The following UBE3D variants were observed in gnomAD, a reference collection of about 807,000 sequenced individuals.
UBE3D encodes E3 ubiquitin-protein ligase E3D.
A neutral mutation model predicts 49.6 loss-of-function variants in UBE3D; 48 were observed. The observed-to-expected ratio is 0.97, with a 90% CI of 0.77 to 1.23. The LOEUF is 1.23. Among genes scored for constraint, UBE3D ranks in the 50% most tolerant of loss-of-function variants. UBE3D has a pLI of 0.00. For missense variants in UBE3D, 452 were observed against 468.4 expected (o/e 0.96, Z 0.32); for synonymous variants, 189 against 174.2 (o/e 1.08, Z -0.67).
chr6:83,034,754 A>G (rs1782124618), intron 5 of UBE3D, among the ~76,000 whole-genome samples: 1 of 152,116 alleles, frequency 6.6e-6, no homozygotes, highest in Non-Finnish European at 1.5e-5. Context: ...GCCATATAGA[A>G]CTGTGAGACA....
chr6:83,002,799 T>C (rs557852366), intron 8 of UBE3D, among the ~76,000 whole-genome samples: 1 of 152,364 alleles, frequency 6.6e-6, no homozygotes, highest in South Asian at 2.1e-4. Context: ...CATGGGGCCC[T>C]CACCAAACAT....
intron 9 of UBE3D, among the ~76,000 whole-genome samples, chr6:82,935,225 A>G (rs1429459099): frequency 3.3e-5 from 5 of 151,728 alleles, no homozygotes; most frequent in African/African-American, 4.8e-5. Context: ...AAGCAGAGCA[A>G]GCAAGAGAGA....
the UBE3D span, among the ~76,000 whole-genome samples, chr6:82,883,892 A>C: frequency 3.3e-5 from 5 of 152,228 alleles, no homozygotes; most frequent in Non-Finnish European, 5.9e-5. Context: ...GAACCCAAAC[A>C]GTGCTAACAC....
At chr6:82,979,807 A>G (rs748634133) in intron 8 of UBE3D, among the ~76,000 whole-genome samples, 1 of 152,080 alleles carries the variant, frequency 6.6e-6, no homozygotes, top group Non-Finnish European at 1.5e-5. Flanking sequence ...ATGTACACAC[A>G]TTATTTAGCT....
the UBE3D span, among the ~76,000 whole-genome samples, chr6:82,885,759 T>G: frequency 1.3e-5 from 2 of 152,156 alleles, no homozygotes; most frequent in African/African-American, 4.8e-5. Flanking sequence ...ATTCAAAGCT[T>G]TCCACAATCT....
intron 8 of UBE3D, among the ~76,000 whole-genome samples, chr6:82,999,300 C>G (rs1779455596): frequency 6.6e-6 from 1 of 152,180 alleles, no homozygotes; most frequent in Admixed American, 6.5e-5. Flanking sequence ...GATACCAGAC[C>G]TTTCCATCTT....
At chr6:82,961,820 G>A (rs1776572281) in intron 8 of UBE3D, among the ~76,000 whole-genome samples, 1 of 151,964 alleles carries the variant, frequency 6.6e-6, no homozygotes, top group South Asian at 2.1e-4. Context: ...AAATTAGCCA[G>A]GCATGGTGAT....
chr6:83,053,674 G>A (rs748299975), intron 3 of UBE3D, among the ~76,000 whole-genome samples: 50 of 152,154 alleles, frequency 3.3e-4, no homozygotes, highest in Non-Finnish European at 3.8e-4. Flanking sequence ...ATTGACAAAA[G>A]GTTAATTTGT....
At chr6:82,999,021 C>G (rs975887158) in intron 8 of UBE3D, among the ~76,000 whole-genome samples, 2 of 152,176 alleles carry the variant, frequency 1.3e-5, no homozygotes, top group Admixed American at 6.5e-5. Context: ...TCATCTCACT[C>G]ATCTCCTTTC....
chr6:82,918,240 C>G (rs549512478), intron 9 of UBE3D, among the ~76,000 whole-genome samples: 1 of 150,880 alleles, frequency 6.6e-6, no homozygotes, highest in Non-Finnish European at 1.5e-5. Context: ...TCTCATTTAC[C>G]CTTCTACCAG....
chr6:83,024,092 G>GTAT, intron 5 of UBE3D, 54 bp from the exon 6 acceptor site: 1 of 999,210 alleles, frequency 1.0e-6, no homozygotes, highest in Non-Finnish European at 1.5e-6. Flanking sequence ...TAATTTTATT[G>GTAT]TGGGCAAGTT....
chr6:83,007,454 T>C (rs1254291333), intron 8 of UBE3D, among the ~76,000 whole-genome samples: 1 of 152,208 alleles, frequency 6.6e-6, no homozygotes, highest in Non-Finnish European at 1.5e-5. Context: ...ACTAATTGTA[T>C]TCTCCTAAGT....
intron 9 of UBE3D, among the ~76,000 whole-genome samples, chr6:82,927,225 T>TC (rs1773821705): frequency 6.6e-6 from 1 of 151,476 alleles, no homozygotes; most frequent in African/African-American, 2.4e-5. Context: ...TTTTTTTTTT[T>TC]TCCCCCACCA....
At chr6:82,890,914 C>T (rs911399213), downstream of UBE3D, among the ~76,000 whole-genome samples, 1 of 152,094 alleles carries the variant, frequency 6.6e-6, no homozygotes, top group Non-Finnish European at 1.5e-5. Flanking sequence ...GAAAAACTAT[C>T]TCAGAAGAAA....
chr6:82,974,484 A>G (rs1440932806), intron 8 of UBE3D, among the ~76,000 whole-genome samples: 2 of 152,184 alleles, frequency 1.3e-5, no homozygotes, highest in African/African-American at 4.8e-5. Flanking sequence ...TATAATACCT[A>G]ACACAATGTA....
chr6:83,005,621 T>C (rs1779921828), intron 8 of UBE3D, among the ~76,000 whole-genome samples: 1 of 151,344 alleles, frequency 6.6e-6, no homozygotes, highest in African/African-American at 2.4e-5. Flanking sequence ...GGTCTCTATT[T>C]TTTTTTTTAA....
At chr6:82,927,375 G>A (rs1386961323) in intron 9 of UBE3D, among the ~76,000 whole-genome samples, 2 of 151,934 alleles carry the variant, frequency 1.3e-5, no homozygotes, top group East Asian at 3.9e-4. Flanking sequence ...TTTAGAATCA[G>A]TTTGCCAATG....
chr6:83,012,320 A>T (rs1045781940), intron 8 of UBE3D, among the ~76,000 whole-genome samples: 1 of 152,214 alleles, frequency 6.6e-6, no homozygotes, highest in Non-Finnish European at 1.5e-5. Flanking sequence ...ACCTGACACC[A>T]AACAGCTGGC....
chr6:82,969,373 G>A (rs1181951052), intron 8 of UBE3D, among the ~76,000 whole-genome samples: 2 of 152,108 alleles, frequency 1.3e-5, no homozygotes, highest in Non-Finnish European at 2.9e-5. Flanking sequence ...TTGAGAGGCC[G>A]AGGTGGGTGG....
Sources: allele counts gnomAD v4.1 joint callset (sites outside exome capture counted in the v4.1 genomes callset), GRCh38; gene constraint gnomAD v4.1.1; transcripts MANE v1.5; gene names NCBI Gene and HGNC (gene_info 2026-07-23, HGNC 2026-07-21).